Variants in BMP5 observed in about 807,000 individuals in gnomAD.
BMP5 encodes bone morphogenetic protein 5.
BMP5 carries 23 observed loss-of-function variants against 46.6 expected under a neutral mutation model. The ratio of observed to expected loss-of-function variants is 0.49; its 90% CI spans 0.35 to 0.70. The LOEUF is 0.70. BMP5 is among the 30% of genes least tolerant of loss of function. The probability of loss-of-function intolerance (pLI) is 0.00; values close to 1 mark genes in which losing one functional copy is unlikely to be tolerated. For missense variants in BMP5, 545 were observed against 565.6 expected (o/e 0.96, Z 0.37); for synonymous variants, 204 against 191.9 (o/e 1.06, Z -0.52).
chr6:55,837,461 T>G (rs1183499504), intron 1 of BMP5, among the ~76,000 whole-genome samples: 1 of 152,140 alleles, frequency 6.6e-6, no homozygotes, highest in Non-Finnish European at 1.5e-5. Flanking sequence ...ATCGGCCAAG[T>G]CTTTTAAATC....
intron 1 of BMP5, among the ~76,000 whole-genome samples, chr6:55,854,911 T>C (rs911368845): frequency 6.6e-6 from 1 of 152,138 alleles, no homozygotes; most frequent in African/African-American, 2.4e-5. Context: ...TTTTTATATT[T>C]TTGTATGCAT....
At chr6:55,785,657 A>G (rs545452571) in intron 3 of BMP5, among the ~76,000 whole-genome samples, 2 of 151,708 alleles carry the variant, frequency 1.3e-5, no homozygotes, top group Admixed American at 1.3e-4. Context: ...TCTCAATGAC[A>G]CTTTTGCTAA....
rs369737308 is a variant in BMP5, at chr6:55,874,721, G to T, written c.145C>A (p.Arg49=). The T allele has an allele frequency of 1.2e-5, 19 of 1,613,452 alleles. 1 individual carries two copies. In the African/African-American group the frequency reaches 1.9e-4, roughly 16 times the overall value. The change falls in exon 1 of 7, where the codon CGG becomes AGG. Residue 49 remains arginine (R), a synonymous_variant. Transcript: ENST00000370830. ...IYRRLRNHER[R]EIQREILSIL... is the part of the protein sequence containing the mutation. ...GAGAGAATTTCCCTTTGTATTTCCC[G>T]TCTTTCGTGGTTCCGTAGTCTTCTA...
intron 4 of BMP5, among the ~76,000 whole-genome samples, chr6:55,766,514 G>T (rs998686874): frequency 2.0e-5 from 3 of 151,930 alleles, no homozygotes; most frequent in Non-Finnish European, 2.9e-5. Context: ...GTGTGTTTTG[G>T]TTCTTACATC....
chr6:55,763,222 G>T (rs1774829074), intron 4 of BMP5, among the ~76,000 whole-genome samples: 1 of 151,884 alleles, frequency 6.6e-6, no homozygotes, highest in Admixed American at 6.6e-5. Context: ...TATATGAAAA[G>T]CCATAAACTA....
intron 2 of BMP5, among the ~76,000 whole-genome samples, chr6:55,805,558 T>A (rs1775967655): frequency 2.0e-5 from 3 of 152,152 alleles, no homozygotes; most frequent in Admixed American, 1.3e-4. Flanking sequence ...GCAGAATGAT[T>A]TATATTCCCT....
chr6:55,850,405 T>G (rs1377232307), intron 1 of BMP5, among the ~76,000 whole-genome samples: 3 of 150,072 alleles, frequency 2.0e-5, no homozygotes, highest in Admixed American at 6.6e-5. Flanking sequence ...TCGATAGATA[T>G]AGATAGATAG....
At chr6:55,849,172 G>A (rs1291127438) in intron 1 of BMP5, among the ~76,000 whole-genome samples, 1 of 151,948 alleles carries the variant, frequency 6.6e-6, no homozygotes, top group Non-Finnish European at 1.5e-5. Flanking sequence ...GCACACTGCT[G>A]TGGTCTGGGG....
chr6:55,858,671 C>A (rs1777457200), intron 1 of BMP5, among the ~76,000 whole-genome samples: 1 of 152,114 alleles, frequency 6.6e-6, no homozygotes, highest in Admixed American at 6.6e-5. Flanking sequence ...GTGTATTTTT[C>A]AGGAGGCTTA....
At chr6:55,777,687 T>C (rs1394874935) in intron 3 of BMP5, among the ~76,000 whole-genome samples, 1 of 152,004 alleles carries the variant, frequency 6.6e-6, no homozygotes, top group Non-Finnish European at 1.5e-5. Flanking sequence ...AGCAATTTTG[T>C]GGGCAAGAAG....
At chr6:55,854,748 T>C (rs1284781903) in intron 1 of BMP5, among the ~76,000 whole-genome samples, 7 of 152,112 alleles carry the variant, frequency 4.6e-5, no homozygotes, top group African/African-American at 1.7e-4. Flanking sequence ...CATCCTTTCA[T>C]TTCTAGAATT....
In BMP5 at chr6:55,774,205, T is replaced by C. The variant is rs995450354; in HGVS notation, c.871A>G (p.Arg291Gly). The C allele has an allele frequency of 3.1e-6, 5 of 1,613,022 alleles. No homozygotes were observed. Among genetic ancestry groups the C allele is most frequent in the Non-Finnish European group, 3.4e-6 (4 of 1,179,386 alleles). ...GGTTGTTTTGACTGAGGTCCCTGTC[T>C]TCCCACAAGACCAGCAGATTTTACG... ...INVKSAGLVGRQGPQSKQPFM... is the reference protein window; with the variant it reads ...INVKSAGLVGGQGPQSKQPFM... The change falls in exon 4 of 7, where the codon AGA becomes GGA. Residue 291 changes from arginine to glycine, a missense_variant. Coordinates refer to ENST00000370830, the MANE Select transcript of BMP5 (RefSeq NM_021073.4).
intron 1 of BMP5, among the ~76,000 whole-genome samples, chr6:55,841,114 G>A (rs529025745): frequency 1.2e-3 from 182 of 152,220 alleles, no homozygotes; most frequent in African/African-American, 4.3e-3. Context: ...AGAATCTAAT[G>A]GCTGATGGTC....
chr6:55,819,754 G>T lies in BMP5; in HGVS notation c.584C>A (p.Ala195Glu). ...TQIPHGEAVT[A>E]AEFRIYKDRS... Reference sequence around the variant, plus strand: ...GTCCTTGTATATCCGGAATTCAGCTGCTGTCACTGCCTCTCCATGAGGAAT... The same window carrying T: ...GTCCTTGTATATCCGGAATTCAGCTTCTGTCACTGCCTCTCCATGAGGAAT... Residue 195 changes from alanine (A) to glutamate (E), a missense_variant, in exon 2 of 7, where the codon GCA (alanine) becomes GAA (glutamate). Physicochemically the swap from Ala to Glu is moderately radical, Grantham distance 107 (BLOSUM62 -1). Transcript: ENST00000370830. 4 of 1,613,558 alleles carry T rather than the reference G, an allele frequency of 2.5e-6. No homozygotes were observed. The highest frequency in any genetic ancestry group is 3.4e-6 in the Non-Finnish European group (4 of 1,179,618).
intron 3 of BMP5, among the ~76,000 whole-genome samples, chr6:55,787,582 TGAAAA>T (rs1775478587): frequency 2.6e-5 from 4 of 151,596 alleles, no homozygotes; most frequent in Non-Finnish European, 5.9e-5. Flanking sequence ...CAGGTAGGAA[TGAAAA>T]ACAACCCAAT....
chr6:55,803,105 G>A (rs1775889775), intron 2 of BMP5, among the ~76,000 whole-genome samples: 1 of 130,026 alleles, frequency 7.7e-6, no homozygotes, highest in Non-Finnish European at 1.5e-5. Context: ...GGCTAACATG[G>A]CAAAACCCCG....
chr6:55,841,678 G>C (rs1349510870), intron 1 of BMP5, among the ~76,000 whole-genome samples: 1 of 152,060 alleles, frequency 6.6e-6, no homozygotes, highest in Admixed American at 6.6e-5. Context: ...CTCTTCACAT[G>C]GCTGTCTCTC....
chr6:55,769,544 T>C lies in BMP5; in HGVS notation c.1027+4505A>G, dbSNP rs1411777532. 1.3e-5 allele frequency among the ~76,000 whole-genome samples: 2 copies of C among 151,812 alleles called. 1 individual carries two copies. The highest frequency in any genetic ancestry group is 1.3e-4 in the Admixed American group (2 of 15,178). On this transcript the variant is annotated intron_variant, in intron 4 of 6. Coordinates refer to ENST00000370830, the MANE Select transcript of BMP5 (RefSeq NM_021073.4). ...TTCCTCCACTGAAGTCTTGAACCCA[T>C]CAAAGTCATCCAGGAGGTAGGAATC...
intron 3 of BMP5, among the ~76,000 whole-genome samples, chr6:55,784,145 A>C (rs915518557): frequency 6.6e-6 from 1 of 151,918 alleles, no homozygotes; most frequent in African/African-American, 2.4e-5. Context: ...CCAGTGTAAG[A>C]TGTTCTTAAG....
Sources: gnomAD v4.1 joint callset for allele counts (sites outside exome capture counted in the v4.1 genomes callset) on GRCh38, gnomAD v4.1.1 for gene constraint, MANE v1.5 for transcripts, NCBI Gene and HGNC (gene_info 2026-07-23, HGNC 2026-07-21) for gene names.